Variants in LRRIQ1 observed in about 807,000 individuals in gnomAD.
The protein encoded by LRRIQ1 is leucine rich repeats and IQ motif containing 1.
A neutral mutation model predicts 211.9 loss-of-function variants in LRRIQ1; 210 were observed. The observed-to-expected ratio is 0.99, with a 90% CI of 0.89 to 1.11. LRRIQ1 has a LOEUF of 1.11. Among genes scored for constraint, LRRIQ1 ranks in the 50% most tolerant of loss-of-function variants. The pLI is 0.00. For synonymous variants in LRRIQ1, 699 were observed against 650.1 expected, an observed-to-expected ratio of 1.08 and a Z score of -1.14; for missense variants, 2,136 against 1,939.5, an observed-to-expected ratio of 1.10 and a Z score of -1.90.
At chr12:85,125,366 C>T (rs1402079941) in intron 17 of LRRIQ1, among the ~76,000 whole-genome samples, 2 of 152,058 alleles carry the variant, frequency 1.3e-5, no homozygotes, top group African/African-American at 2.4e-5. Context: ...AGTAAACCCC[C>T]TTATAACCAT....
chr12:85,265,625 T>C (rs987631063), downstream of LRRIQ1, among the ~76,000 whole-genome samples: 2 of 151,906 alleles, frequency 1.3e-5, no homozygotes, highest in African/African-American at 4.8e-5. Flanking sequence ...CACTAGACAA[T>C]TGTGATTAGG....
chr12:85,110,115 A>G lies in LRRIQ1; in HGVS notation c.3377+3500A>G, dbSNP rs560071402. 2.6e-5 allele frequency among the ~76,000 whole-genome samples: 4 copies of G among 152,250 alleles called. No homozygotes were observed. In the South Asian group the frequency reaches 8.3e-4, roughly 32 times the overall value. On this transcript the variant is annotated intron_variant, in intron 15 of 26. Transcript: ENST00000393217. ...AGATAATGAAAATTTACTATTTCCC[A>G]TTACCATGTTAACCAGATTATATAT... is the stretch of plus-strand genomic sequence containing the variant.
intron 24 of LRRIQ1, among the ~76,000 whole-genome samples, chr12:85,194,159 C>A (rs1892757788): frequency 9.9e-6 from 1 of 100,546 alleles, no homozygotes; most frequent in Non-Finnish European, 2.0e-5. Context: ...ACAGGAGCAC[C>A]AAGATTCATA....
intron 26 of LRRIQ1, 142 bp from the exon 27 acceptor site, chr12:85,244,647 G>A (rs1449718928): frequency 1.4e-6 from 1 of 723,920 alleles, no homozygotes; most frequent in African/African-American, 1.8e-5. Context: ...GTTCTGCCTG[G>A]GCAGCAATAA....
At chr12:85,192,075 A>T (rs1397206634) in intron 24 of LRRIQ1, among the ~76,000 whole-genome samples, 1 of 151,770 alleles carries the variant, frequency 6.6e-6, no homozygotes, top group Non-Finnish European at 1.5e-5. Flanking sequence ...GGTTGTTTAC[A>T]GATTATTCTG....
intron 24 of LRRIQ1, among the ~76,000 whole-genome samples, chr12:85,195,641 A>C: frequency 1.3e-5 from 2 of 150,984 alleles, no homozygotes; most frequent in Non-Finnish European, 3.0e-5. Context: ...CATGCTAAAA[A>C]CTCTCAATAA....
At chr12:85,106,095 C>G (rs1886764486) in intron 14 of LRRIQ1, among the ~76,000 whole-genome samples, 1 of 151,998 alleles carries the variant, frequency 6.6e-6, no homozygotes, top group Non-Finnish European at 1.5e-5. Flanking sequence ...TGCCTCCGGC[C>G]CTATATTGAC....
At chr12:85,250,449 A>G (rs76291504) in intron 1 of LRRIQ1, among the ~76,000 whole-genome samples, 3,969 of 151,816 alleles carry the variant, frequency 0.026, 70 homozygotes, top group South Asian at 0.049. Flanking sequence ...TCATTCAAAA[A>G]TATTTATGAG....
At chr12:85,262,565 T>G (rs1896329317) in intron 1 of LRRIQ1, among the ~76,000 whole-genome samples, 2 of 151,942 alleles carry the variant, frequency 1.3e-5, no homozygotes, top group Non-Finnish European at 2.9e-5. Flanking sequence ...TATAGCAATT[T>G]AAACTATGAA....
In LRRIQ1 at chr12:85,085,454, C is replaced by A. The variant is rs564525006; in HGVS notation, c.2887+12356C>A. ...ATTTTGGTGGGGACAGAAAGCCTAA[C>A]CATATCAGGGGGAATATGTGCAGGT... On this transcript the variant is annotated intron_variant, in intron 11 of 26. Transcript: ENST00000393217. Among the ~76,000 whole-genome samples the A allele has an allele frequency of 2.0e-5, 3 of 152,280 alleles. 1 individual carries two copies. Among genetic ancestry groups the A allele is most frequent in the Admixed American group, 6.5e-5 (1 of 15,292 alleles).
chr12:85,232,903 A>G, intron 26 of LRRIQ1, 147 bp downstream of exon 26: 1 of 575,788 alleles, frequency 1.7e-6, no homozygotes, highest in Non-Finnish European at 3.0e-6. Context: ...GTGTTAAAAT[A>G]ATAACATGTT....
chr12:85,056,256 C>CA lies in LRRIQ1; in HGVS notation c.1470dup (p.Arg491ThrfsTer14), dbSNP rs779699744. On this transcript the variant is annotated frameshift_variant, in exon 8 of 27. Coordinates refer to ENST00000393217, the MANE Select transcript of LRRIQ1 (RefSeq NM_001079910.2). LOFTEE classifies it high-confidence loss of function. ...ATGGAAGAAAAAAATGAAAACCTAG[C>CA]AAAAAAACGATGTTCAGAAGAATTG... The CA allele has an allele frequency of 7.0e-6, 11 of 1,569,876 alleles. No homozygotes were observed. The highest frequency in any genetic ancestry group is 6.4e-5 in the Admixed American group (3 of 46,804).
At chr12:85,262,784 A>G (rs550640975) in intron 1 of LRRIQ1, 14 of 255,698 alleles carry the variant, frequency 5.5e-5, no homozygotes, top group African/African-American at 3.0e-4. Flanking sequence ...CTCAACAAAG[A>G]TACGTCTGTT....
downstream of LRRIQ1, among the ~76,000 whole-genome samples, chr12:85,248,966 A>C (rs1224520951): frequency 6.6e-6 from 1 of 151,798 alleles, no homozygotes; most frequent in East Asian, 1.9e-4. Flanking sequence ...GTAAAGTAGA[A>C]GACTTGAAAT....
At chr12:85,077,974 C>T (rs1253071587) in intron 11 of LRRIQ1, among the ~76,000 whole-genome samples, 2 of 137,042 alleles carry the variant, frequency 1.5e-5, no homozygotes, top group African/African-American at 6.0e-5. Flanking sequence ...GGCACCAGAA[C>T]GAGACCCTGT....
intron 3 of LRRIQ1, among the ~76,000 whole-genome samples, chr12:85,040,925 C>CT (rs1295878669): frequency 1.3e-5 from 2 of 151,444 alleles, no homozygotes; most frequent in East Asian, 1.9e-4. Flanking sequence ...GTATATACAT[C>CT]TTTTTTTGGG....
At chr12:85,154,572 C>T (rs936164754) in intron 23 of LRRIQ1, among the ~76,000 whole-genome samples, 12 of 151,194 alleles carry the variant, frequency 7.9e-5, no homozygotes, top group African/African-American at 2.9e-4. Flanking sequence ...GTAGGACTTG[C>T]GAAATGTTCT....
At chr12:85,151,231 T>C (rs1890222350) in intron 19 of LRRIQ1, among the ~76,000 whole-genome samples, 1 of 151,552 alleles carries the variant, frequency 6.6e-6, no homozygotes, top group Non-Finnish European at 1.5e-5. Flanking sequence ...TTACATAACA[T>C]TCAAATGGTG....
chr12:85,103,671 A>G (rs946087419), intron 13 of LRRIQ1, among the ~76,000 whole-genome samples: 2 of 151,756 alleles, frequency 1.3e-5, no homozygotes, highest in Admixed American at 1.3e-4. Context: ...AAATAATCAG[A>G]AGAAAACACA....
Sources: gnomAD v4.1 joint callset for allele counts (sites outside exome capture counted in the v4.1 genomes callset) on GRCh38, gnomAD v4.1.1 for gene constraint, MANE v1.5 for transcripts, NCBI Gene and HGNC (gene_info 2026-07-23, HGNC 2026-07-21) for gene names.